The following DGLUCY variants were observed in gnomAD, a reference collection of about 807,000 sequenced individuals.
DGLUCY encodes the protein D-glutamate cyclase, mitochondrial.
In DGLUCY, 58 loss-of-function variants were observed where a neutral mutation model predicts 58.5. The ratio of observed to expected loss-of-function variants is 0.99; its 90% CI spans 0.80 to 1.23. The LOEUF (loss-of-function observed/expected upper bound fraction) is 1.23. DGLUCY is among the 50% of genes most tolerant of loss of function. DGLUCY has a pLI of 0.00. For missense variants in DGLUCY, 779 were observed against 784.7 expected (o/e 0.99, Z 0.09); for synonymous variants, 325 against 314.1 (o/e 1.03, Z -0.37).
At chr14:91,218,132 G>A (rs1229522237) in intron 13 of DGLUCY, among the ~76,000 whole-genome samples, 2 of 152,184 alleles carry the variant, frequency 1.3e-5, no homozygotes, top group African/African-American at 4.8e-5. Flanking sequence ...TCAGGCAGCT[G>A]TGGTGACATT....
At chr14:91,189,442 G>A (rs915530036) in intron 9 of DGLUCY, among the ~76,000 whole-genome samples, 4 of 152,190 alleles carry the variant, frequency 2.6e-5, no homozygotes, top group Non-Finnish European at 4.4e-5. Context: ...CTGTCCCTTT[G>A]CAGTGTGGGG....
intron 4 of DGLUCY, among the ~76,000 whole-genome samples, chr14:91,168,686 TC>T (rs1465920230): frequency 8.5e-5 from 13 of 152,220 alleles, no homozygotes; most frequent in Non-Finnish European, 1.9e-4. Flanking sequence ...ATTGATTTCT[TC>T]CTTCTCTGTG....
At chr14:91,184,921 C>T (rs1224070144) in intron 8 of DGLUCY, among the ~76,000 whole-genome samples, 2 of 152,114 alleles carry the variant, frequency 1.3e-5, no homozygotes, top group African/African-American at 2.4e-5. Flanking sequence ...AGGTTATGCT[C>T]ATGACTGTGT....
intron 1 of DGLUCY, among the ~76,000 whole-genome samples, chr14:91,117,074 G>A (rs533226271): frequency 6.6e-6 from 1 of 152,156 alleles, no homozygotes; most frequent in African/African-American, 2.4e-5. Context: ...TCCAGGAAAC[G>A]GGTGGGCAAT....
chr14:91,167,158 G>T, intron 3 of DGLUCY, 67 bp from the exon 4 acceptor site: 10 of 1,426,894 alleles, frequency 7.0e-6, no homozygotes, highest in Non-Finnish European at 9.3e-6. Context: ...AAAAAAGAAA[G>T]AAAATCAGTA....
At chr14:91,167,948 C>T (rs1220690446) in intron 4 of DGLUCY, among the ~76,000 whole-genome samples, 1 of 152,126 alleles carries the variant, frequency 6.6e-6, no homozygotes, top group Non-Finnish European at 1.5e-5. Context: ...TAATGCTAAA[C>T]CCGATCATGT....
intron 1 of DGLUCY, among the ~76,000 whole-genome samples, chr14:91,132,016 C>G (rs1265359829): frequency 6.6e-6 from 1 of 152,204 alleles, no homozygotes; most frequent in Non-Finnish European, 1.5e-5. Context: ...TGATCTTAAA[C>G]TCCTGACCTC....
At position 91,224,889 on chromosome 14, in the gene DGLUCY, G is replaced by A. The variant is rs1888003333; in HGVS notation, c.*56G>A. 3 of 1,508,668 alleles carry A rather than the reference G, an allele frequency of 2.0e-6. No individual in the cohort carries two copies. The highest frequency in any genetic ancestry group is 2.7e-6 in the Non-Finnish European group (3 of 1,116,210). The allele number at this position is 1,508,668 out of a possible 1,614,324, so 93.5% of individuals were successfully genotyped here. ...ACCAACGGGCAGGTCTGCATCCGGG[G>A]AGAATGCAGCTGCTTCTGGCGACAA... On this transcript the variant is annotated 3_prime_UTR_variant, in exon 14 of 14. Coordinates refer to ENST00000256324, the MANE Select transcript of DGLUCY (RefSeq NM_001102368.3).
chr14:91,068,502 G>A (rs1275234809), intron 1 of DGLUCY, among the ~76,000 whole-genome samples: 1 of 152,086 alleles, frequency 6.6e-6, no homozygotes, highest in East Asian at 1.9e-4. Context: ...AATCCCGTCT[G>A]TACTAAAAAT....
chr14:91,198,135 C>T (rs12896106), intron 10 of DGLUCY, among the ~76,000 whole-genome samples: 75,432 of 151,922 alleles, frequency 0.5, 21,276 homozygotes, highest in East Asian at 0.68. Flanking sequence ...CTCTGCCTCC[C>T]GGGTTCAAGT....
intron 4 of DGLUCY, among the ~76,000 whole-genome samples, chr14:91,169,657 G>T (rs1180880743): frequency 1.3e-5 from 2 of 151,442 alleles, no homozygotes; most frequent in African/African-American, 2.4e-5. Flanking sequence ...TGATCTGCCC[G>T]CCTCGGCCTC....
chr14:91,102,867 T>G (rs1252311898), intron 1 of DGLUCY, among the ~76,000 whole-genome samples: 1 of 150,910 alleles, frequency 6.6e-6, no homozygotes, highest in Non-Finnish European at 1.5e-5. Context: ...GTACAAGCAA[T>G]TCTCCTGCCT....
intron 9 of DGLUCY, 66 bp from the exon 10 acceptor site, chr14:91,196,309 G>A: frequency 6.0e-6 from 8 of 1,342,368 alleles, no homozygotes; most frequent in Non-Finnish European, 8.5e-6. Context: ...CTTTTGAAAA[G>A]CCAACGTGAA....
At chr14:91,201,037 G>A (rs953947934) in intron 11 of DGLUCY, among the ~76,000 whole-genome samples, 2 of 152,078 alleles carry the variant, frequency 1.3e-5, no homozygotes, top group African/African-American at 4.8e-5. Context: ...TGGGGAGGGT[G>A]TATCTTACAA....
At chr14:91,202,088 G>A (rs527927965) in intron 11 of DGLUCY, among the ~76,000 whole-genome samples, 21 of 51,286 alleles carry the variant, frequency 4.1e-4, no homozygotes, top group African/African-American at 1.1e-3. Flanking sequence ...ATAATAATGT[G>A]ATAATTTGTG....
chr14:91,114,657 C>T (rs2044800026), intron 1 of DGLUCY: 1 of 152,294 alleles, frequency 6.6e-6, no homozygotes, highest in East Asian at 1.9e-4. Flanking sequence ...GAGCCACAGG[C>T]TTGCTGGGGA....
At chr14:91,172,195 C>T (rs28690906) in intron 5 of DGLUCY, among the ~76,000 whole-genome samples, 7,178 of 152,194 alleles carry the variant, frequency 0.047, 429 homozygotes, top group African/African-American at 0.14. Context: ...CTCAGCCTCC[C>T]GAGTAGCTGG....
chr14:91,081,607 G>T (rs1460823285), intron 1 of DGLUCY, among the ~76,000 whole-genome samples: 1 of 152,200 alleles, frequency 6.6e-6, no homozygotes, highest in Non-Finnish European at 1.5e-5. Context: ...CTATTTGGAA[G>T]CTCTAGGGGA....
chr14:91,148,045 G>A (rs755904281), intron 1 of DGLUCY, among the ~76,000 whole-genome samples: 10 of 151,980 alleles, frequency 6.6e-5, no homozygotes, highest in South Asian at 2.1e-4. Context: ...GCAGTGGCAC[G>A]CACCTGTAAT....
Sources: gnomAD v4.1 joint callset for allele counts (sites outside exome capture counted in the v4.1 genomes callset) on GRCh38, gnomAD v4.1.1 for gene constraint, MANE v1.5 for transcripts, NCBI Gene and HGNC (gene_info 2026-07-23, HGNC 2026-07-21) for gene names.